DTNA: variants seen among roughly 807,000 people sequenced by gnomAD.
DTNA encodes dystrophin-related protein 3.
A neutral mutation model predicts 100.7 loss-of-function variants in DTNA; 43 were observed. The ratio of observed to expected loss-of-function variants is 0.43; its 90% CI spans 0.33 to 0.55. The LOEUF is 0.55. Ranked by LOEUF, DTNA falls within the 20% of genes least tolerant of loss-of-function variation. The pLI, the probability that DTNA is intolerant of heterozygous loss-of-function variation, is 0.04. For missense variants in DTNA, 798 were observed against 953.9 expected (o/e 0.84, Z 2.15); for synonymous variants, 349 against 347.9 (o/e 1.00, Z -0.04).
chr18:34,606,549 C>T (rs543651239), intron 1 of DTNA, among the ~76,000 whole-genome samples: 3 of 152,286 alleles, frequency 2.0e-5, no homozygotes, highest in East Asian at 1.9e-4. Flanking sequence ...ACAACCTACA[C>T]AGTGCCAAGT....
chr18:34,698,718 A>G (rs1190082187), intron 1 of DTNA, among the ~76,000 whole-genome samples: 1 of 152,212 alleles, frequency 6.6e-6, no homozygotes, highest in Admixed American at 6.5e-5. Context: ...GTTTGAGGTC[A>G]GGAAGCATCT....
chr18:34,697,323 A>C (rs1393317794), intron 1 of DTNA, among the ~76,000 whole-genome samples: 1 of 152,196 alleles, frequency 6.6e-6, no homozygotes, highest in African/African-American at 2.4e-5. Context: ...TAGTTTCCTC[A>C]AGCCAACTCC....
rs527449686 is a variant in DTNA at position 34,754,543 on chromosome 18, G to T, written c.-1-1433G>T. Among the ~76,000 whole-genome samples, 3 of 152,280 alleles carry T rather than the reference G, an allele frequency of 2.0e-5. No individual in the cohort carries two copies. In the East Asian group the frequency reaches 5.8e-4, roughly 29 times the overall value. On this transcript the variant is annotated intron_variant, in intron 1 of 22. Coordinates refer to ENST00000444659, the MANE Select transcript of DTNA (RefSeq NM_001386795.1). ...GCGCTCATAGGACAGTGTGATCCTGGCTTGATCACTGTGGGGCACTCAAAG... is the reference window on the plus strand; with the variant it reads ...GCGCTCATAGGACAGTGTGATCCTGTCTTGATCACTGTGGGGCACTCAAAG...
At chr18:34,753,361 A>ATTTATTTTTTTTTTTTT (rs1568412397) in intron 1 of DTNA, among the ~76,000 whole-genome samples, 2 of 96,890 alleles carry the variant, frequency 2.1e-5, no homozygotes, top group African/African-American at 5.3e-5. Context: ...TTATTTATTT[A>ATTTATTTTTTTTTTTTT]TTTTATTTTT....
intron 21 of DTNA, 85 bp downstream of exon 21, chr18:34,882,286 G>A (rs1182391957): frequency 2.6e-6 from 4 of 1,556,650 alleles, no homozygotes; most frequent in Non-Finnish European, 3.5e-6. Flanking sequence ...TGCAGAATCA[G>A]AGCCTTCTTC....
At chr18:34,585,771 T>C (rs1229552249) in intron 1 of DTNA, among the ~76,000 whole-genome samples, 5 of 152,208 alleles carry the variant, frequency 3.3e-5, no homozygotes, top group Admixed American at 1.3e-4. Flanking sequence ...GGAATCATCA[T>C]CATAATGAAC....
chr18:34,573,396 T>C (rs540955060), intron 1 of DTNA, among the ~76,000 whole-genome samples: 2 of 152,190 alleles, frequency 1.3e-5, no homozygotes, highest in East Asian at 3.9e-4. Context: ...ATGCCTAAAA[T>C]CCCGTTTTAA....
intron 1 of DTNA, among the ~76,000 whole-genome samples, chr18:34,722,886 C>T (rs2085683672): frequency 6.6e-6 from 1 of 152,178 alleles, no homozygotes; most frequent in South Asian, 2.1e-4. Flanking sequence ...TGTGTATCAA[C>T]AATGTGTTCA....
intron 5 of DTNA, among the ~76,000 whole-genome samples, chr18:34,811,555 G>A (rs1259970023): frequency 2.6e-5 from 4 of 151,954 alleles, no homozygotes; most frequent in African/African-American, 9.7e-5. Context: ...ATGAATATAC[G>A]CACACCCCAA....
At chr18:34,788,417 G>A (rs907652977) in intron 3 of DTNA, among the ~76,000 whole-genome samples, 5 of 151,876 alleles carry the variant, frequency 3.3e-5, no homozygotes, top group Non-Finnish European at 5.9e-5. Context: ...TATCTCATTT[G>A]ACCCCCCCAA....
intron 1 of DTNA, among the ~76,000 whole-genome samples, chr18:34,654,788 G>A (rs1478952361): frequency 6.6e-6 from 1 of 151,982 alleles, no homozygotes; most frequent in Non-Finnish European, 1.5e-5. Flanking sequence ...GTGCAGTGGT[G>A]CAATCTTGGC....
chr18:34,607,574 A>G (rs2053390976), intron 1 of DTNA, among the ~76,000 whole-genome samples: 1 of 152,210 alleles, frequency 6.6e-6, no homozygotes, highest in South Asian at 2.1e-4. Flanking sequence ...ACTACATTTT[A>G]TGATTTTCTC....
chr18:34,554,495 G>C (rs1468529767), intron 1 of DTNA, among the ~76,000 whole-genome samples: 2 of 150,744 alleles, frequency 1.3e-5, no homozygotes, highest in African/African-American at 4.9e-5. Flanking sequence ...CATTTAGTAT[G>C]ATATTGGCTG....
chr18:34,662,801 A>G (rs1221880916), intron 1 of DTNA: 2 of 152,218 alleles, frequency 1.3e-5, no homozygotes, highest in African/African-American at 4.8e-5. Context: ...CAACTGTGTT[A>G]TTCAACCTCA....
intron 1 of DTNA, among the ~76,000 whole-genome samples, chr18:34,748,810 T>A (rs569733889): frequency 6.6e-6 from 1 of 152,264 alleles, no homozygotes; most frequent in Non-Finnish European, 1.5e-5. Flanking sequence ...TCCATGTGAA[T>A]TTTAGGATTT....
intron 13 of DTNA, among the ~76,000 whole-genome samples, chr18:34,840,409 TGAA>T (rs1407044029): frequency 6.6e-6 from 1 of 152,168 alleles, no homozygotes; most frequent in Non-Finnish European, 1.5e-5. Flanking sequence ...TGGTCATCTT[TGAA>T]GAAGAATACA....
At chr18:34,741,574 C>T (rs1472237752) in intron 1 of DTNA, among the ~76,000 whole-genome samples, 1 of 152,106 alleles carries the variant, frequency 6.6e-6, no homozygotes, top group African/African-American at 2.4e-5. Flanking sequence ...AGGATTTCAT[C>T]ACCAATCCTT....
At chr18:34,596,211 T>C (rs1187097196) in intron 1 of DTNA, among the ~76,000 whole-genome samples, 1 of 152,068 alleles carries the variant, frequency 6.6e-6, no homozygotes, top group Non-Finnish European at 1.5e-5. Flanking sequence ...GTTTGGTTGG[T>C]TGGTTTTTTG....
At chr18:34,838,680 C>T in intron 12 of DTNA, 65 bp from the exon 13 acceptor site, 3 of 1,398,212 alleles carry the variant, frequency 2.1e-6, no homozygotes, top group Non-Finnish European at 3.0e-6. Flanking sequence ...TCACTCCTAC[C>T]TCCTCTACTT....
Sources: gnomAD v4.1 joint callset for allele counts (sites outside exome capture counted in the v4.1 genomes callset) on GRCh38, gnomAD v4.1.1 for gene constraint, MANE v1.5 for transcripts, NCBI Gene and HGNC (gene_info 2026-07-23, HGNC 2026-07-21) for gene names.